Variants in HFM1 observed in about 807,000 individuals in gnomAD.
HFM1 encodes probable ATP-dependent DNA helicase HFM1.
HFM1 carries 169 observed loss-of-function variants against 192.1 expected under a neutral mutation model. The ratio of observed to expected loss-of-function variants is 0.88; its 90% CI spans 0.78 to 1.00. HFM1 has a LOEUF of 1.00. Ranked by LOEUF, HFM1 falls within the 50% of genes least tolerant of loss-of-function variation. HFM1 has a pLI of 0.00. For missense variants in HFM1, 1,661 were observed against 1,668.0 expected (o/e 1.00, Z 0.07); for synonymous variants, 525 against 537.8 (o/e 0.98, Z 0.33).
At chr1:91,375,032 G>A (rs578260454) in intron 13 of HFM1, among the ~76,000 whole-genome samples, 1 of 152,130 alleles carries the variant, frequency 6.6e-6, no homozygotes, top group South Asian at 2.1e-4. Flanking sequence ...GTTTAAGTAA[G>A]GTGGAAGTGG....
At chr1:91,391,616 G>A (rs1251946061) in intron 4 of HFM1, among the ~76,000 whole-genome samples, 6 of 152,148 alleles carry the variant, frequency 3.9e-5, no homozygotes, top group Non-Finnish European at 8.8e-5. Context: ...ATGGATTAAA[G>A]ACTTAAATGT....
chr1:91,390,435 G>A (rs12143669), intron 4 of HFM1, among the ~76,000 whole-genome samples: 15,318 of 73,468 alleles, frequency 0.21, 1,001 homozygotes, highest in Middle Eastern at 0.29. Flanking sequence ...GACTCCCAAA[G>A]AAAAAAAAAA....
At chr1:91,270,001 G>GT (rs1289227498) in intron 34 of HFM1, among the ~76,000 whole-genome samples, 3 of 151,962 alleles carry the variant, frequency 2.0e-5, no homozygotes, top group Non-Finnish European at 4.4e-5. Context: ...AGATTTTTTT[G>GT]TTTTTTGTTT....
chr1:91,308,539 T>G (rs1411100963), intron 30 of HFM1, among the ~76,000 whole-genome samples: 1 of 152,190 alleles, frequency 6.6e-6, no homozygotes, highest in Non-Finnish European at 1.5e-5. Context: ...TATACTTTTT[T>G]TAAAGAGATG....
At chr1:91,400,949 T>C in intron 2 of HFM1, 63 bp downstream of exon 2, 1 of 709,850 alleles carries the variant, frequency 1.4e-6, no homozygotes, top group Non-Finnish European at 2.3e-6. Flanking sequence ...AAGCTAAAAC[T>C]CACCCAAATT....
chr1:91,396,625 T>C (rs1021500539), intron 2 of HFM1, among the ~76,000 whole-genome samples: 3 of 152,216 alleles, frequency 2.0e-5, no homozygotes, highest in African/African-American at 7.2e-5. Context: ...ACCTAAATAA[T>C]GGCAATAACT....
At chr1:91,401,233 A>G in intron 1 of HFM1, 124 bp from the exon 2 acceptor site, 1 of 551,254 alleles carries the variant, frequency 1.8e-6, no homozygotes, top group Non-Finnish European at 3.2e-6. Flanking sequence ...TTCCAGCTTC[A>G]TCGTCTGCAA....
intron 13 of HFM1, among the ~76,000 whole-genome samples, chr1:91,364,632 A>ATATATATTTTTTTTTTT (rs753472335): frequency 7.5e-5 from 5 of 66,786 alleles, no homozygotes; most frequent in East Asian, 5.0e-4. Flanking sequence ...ATATATATAT[A>ATATATATTTTTTTTTTT]TTTTTTTTTT....
At chr1:91,391,260 C>T (rs282016) in intron 4 of HFM1, among the ~76,000 whole-genome samples, 152,179 of 152,360 alleles carry the variant, frequency 1, 75,999 homozygotes, top group Non-Finnish European at 1. Flanking sequence ...ACTTTAAAGT[C>T]CACAGGGAAC....
chr1:91,382,174 C>A (rs933969966), intron 6 of HFM1, among the ~76,000 whole-genome samples: 1 of 152,036 alleles, frequency 6.6e-6, no homozygotes, highest in Non-Finnish European at 1.5e-5. Context: ...GGCTCTTTTC[C>A]CTCCATTAAG....
intron 20 of HFM1, among the ~76,000 whole-genome samples, chr1:91,335,769 A>T (rs527575271): frequency 6.6e-6 from 1 of 152,224 alleles, no homozygotes; most frequent in East Asian, 1.9e-4. Context: ...CTACTGCAAG[A>T]CGTGTCAGTG....
chr1:91,402,264 G>A (rs371253223), intron 1 of HFM1, among the ~76,000 whole-genome samples: 7 of 152,242 alleles, frequency 4.6e-5, no homozygotes, highest in African/African-American at 1.4e-4. Flanking sequence ...AAGGGAGAAT[G>A]TTTCCACATA....
chr1:91,301,276 A>G (rs1356878138), intron 30 of HFM1, among the ~76,000 whole-genome samples: 1 of 149,922 alleles, frequency 6.7e-6, no homozygotes, highest in Non-Finnish European at 1.5e-5. Flanking sequence ...GCTCAATGAA[A>G]TAAAAGAAGA....
At chr1:91,321,589 C>T (rs1470272298) in intron 23 of HFM1, among the ~76,000 whole-genome samples, 1 of 151,990 alleles carries the variant, frequency 6.6e-6, no homozygotes, top group African/African-American at 2.4e-5. Flanking sequence ...ATGACAAAGC[C>T]ATGAAAAAGG....
rs1663406134 is a variant in HFM1, at chr1:91,394,477, T to TAATAA, written c.185-80_185-76dup. The TAATAA allele has an allele frequency of 3.4e-6, 3 of 894,516 alleles. No individual in the cohort carries two copies. The South Asian group carries it at 5.5e-5, about 16-fold the overall frequency. The allele number at this position is 894,516 out of a possible 1,614,324, so 55.4% of individuals were successfully genotyped here. On this transcript the variant is annotated intron_variant, in intron 3 of 38. Coordinates refer to ENST00000370425, the MANE Select transcript of HFM1 (RefSeq NM_001017975.6). ...TTTTCAAAATGATGATGAAAAACTT[T>TAATAA]AATAAAAATTCCAAGTTAAGTATGA...
intron 38 of HFM1, among the ~76,000 whole-genome samples, chr1:91,261,996 T>C (rs1410145445): frequency 6.6e-6 from 1 of 152,186 alleles, no homozygotes; most frequent in Non-Finnish European, 1.5e-5. Context: ...TAAAAGTAAG[T>C]TTATCAACTC....
intron 20 of HFM1, among the ~76,000 whole-genome samples, chr1:91,326,755 CTT>C (rs1299400721): frequency 5.3e-5 from 7 of 131,082 alleles, no homozygotes; most frequent in Non-Finnish European, 1.1e-4. Context: ...GTAAACTTCT[CTT>C]GACTTAAATA....
In HFM1 at chr1:91,394,221, T is replaced by C. The variant is rs957724749; in HGVS notation, c.366A>G (p.Thr122=). The C allele has an allele frequency of 1.2e-5, 19 of 1,600,290 alleles. No individual in the cohort carries two copies. The highest frequency in any genetic ancestry group is 1.7e-4 in the Middle Eastern group (1 of 6,056). Reference sequence around the variant, plus strand: ...GATTTTTATATTTCTGAGAAGCATATGTCAGCTTGCCAGCAATATGTGATA... The same window carrying C: ...GATTTTTATATTTCTGAGAAGCATACGTCAGCTTGCCAGCAATATGTGATA... ...NDLSHIAGKL[T]YASQKYKNHI... is the part of the protein sequence containing the mutation. The change falls in exon 4 of 39, where the codon ACA becomes ACG. Residue 122 remains threonine, a synonymous_variant. Coordinates refer to ENST00000370425, the MANE Select transcript of HFM1 (RefSeq NM_001017975.6).
chr1:91,299,034 C>T (rs986205987), intron 30 of HFM1, among the ~76,000 whole-genome samples: 4 of 152,226 alleles, frequency 2.6e-5, no homozygotes, highest in Admixed American at 6.5e-5. Flanking sequence ...GTGCTGTATT[C>T]AGGAAACCCA....
Sources: allele counts gnomAD v4.1 joint callset (sites outside exome capture counted in the v4.1 genomes callset), GRCh38; gene constraint gnomAD v4.1.1; transcripts MANE v1.5; gene names NCBI Gene and HGNC (gene_info 2026-07-23, HGNC 2026-07-21).